The following TOX2 variants were observed in gnomAD, a reference collection of about 807,000 sequenced individuals.
The protein encoded by TOX2 is granulosa cell HMG box 1.
In TOX2, 15 loss-of-function variants were observed where a neutral mutation model predicts 47.4. The observed-to-expected ratio is 0.32, with a 90% CI of 0.21 to 0.49. The LOEUF (loss-of-function observed/expected upper bound fraction) is 0.49. Among genes scored for constraint, TOX2 ranks in the 20% least tolerant of loss-of-function variants. The pLI is 0.99. For missense variants in TOX2, 622 were observed against 673.1 expected, an observed-to-expected ratio of 0.92 and a Z score of 0.84; for synonymous variants, 290 against 296.6, an observed-to-expected ratio of 0.98 and a Z score of 0.23.
chr20:44,010,302 C>A (rs1205336812), intron 3 of TOX2, among the ~76,000 whole-genome samples: 1 of 152,178 alleles, frequency 6.6e-6, no homozygotes, highest in Non-Finnish European at 1.5e-5. Flanking sequence ...TTTTGTTGGG[C>A]TCTGTCCAAA....
chr20:43,928,913 T>C lies in TOX2; in HGVS notation c.99+13923T>C, dbSNP rs567092013. ...ACTTTGGGAGGCAGAGGCGGGTGGA[T>C]CATTCGAGGTCAGGAGTTCAAGACC... On this transcript the variant is annotated intron_variant, in intron 1 of 8. Transcript: ENST00000341197. 1.6e-4 allele frequency among the ~76,000 whole-genome samples: 24 copies of C among 146,670 alleles called. No homozygotes were observed. In the East Asian group the frequency reaches 4.7e-3, roughly 29 times the overall value.
intron 1 of TOX2, among the ~76,000 whole-genome samples, chr20:43,957,323 C>G (rs942465463): frequency 6.6e-6 from 1 of 152,204 alleles, no homozygotes; most frequent in Non-Finnish European, 1.5e-5. Context: ...TATAATTAGC[C>G]CTTGTCTCTT....
At chr20:44,040,662 T>C (rs544935124) in intron 3 of TOX2, among the ~76,000 whole-genome samples, 1 of 152,318 alleles carries the variant, frequency 6.6e-6, no homozygotes, top group African/African-American at 2.4e-5. Context: ...CTGGCACATA[T>C]TAAGTGCTTA....
chr20:43,993,488 A>G (rs2070408170), intron 2 of TOX2, among the ~76,000 whole-genome samples: 1 of 151,972 alleles, frequency 6.6e-6, no homozygotes, highest in South Asian at 2.1e-4. Context: ...GGAATTGAAC[A>G]TCTCTCCCAG....
intron 1 of TOX2, among the ~76,000 whole-genome samples, chr20:43,925,262 A>G (rs79662630): frequency 0.12 from 18,796 of 151,972 alleles, 1,293 homozygotes; most frequent in East Asian, 0.27. Flanking sequence ...GGAGGGGGGC[A>G]TCTAGATCTG....
rs1232072153 is a variant in TOX2, at chr20:44,052,775, TG to T, written c.651+1236del. Among the ~76,000 whole-genome samples the T allele has an allele frequency of 2.6e-5, 4 of 152,160 alleles. 1 individual carries two copies. Among genetic ancestry groups the T allele is most frequent in the Admixed American group, 6.5e-5 (1 of 15,280 alleles). On this transcript the variant is annotated intron_variant, in intron 4 of 8. Transcript: ENST00000341197. ...TATCTGGTGTCACACAGCTAGTAAG[TG>T]GGGGGAACCAGGATTCAAACCCAGG...
At chr20:43,969,613 T>C (rs976071232) in intron 1 of TOX2, among the ~76,000 whole-genome samples, 1 of 152,218 alleles carries the variant, frequency 6.6e-6, no homozygotes, top group Admixed American at 6.5e-5. Flanking sequence ...AGGGCTCCGA[T>C]GTGGTGGAAC....
At chr20:44,000,368 C>T (rs887990310) in intron 2 of TOX2, among the ~76,000 whole-genome samples, 22 of 152,058 alleles carry the variant, frequency 1.4e-4, no homozygotes, top group African/African-American at 5.3e-4. Flanking sequence ...GGACACATTT[C>T]GTGTAGGATG....
intron 3 of TOX2, among the ~76,000 whole-genome samples, chr20:44,022,324 A>G (rs981001391): frequency 6.6e-6 from 1 of 152,142 alleles, no homozygotes; most frequent in African/African-American, 2.4e-5. Context: ...TTGTGTGTGT[A>G]AAATAGATGT....
intron 3 of TOX2, among the ~76,000 whole-genome samples, chr20:44,037,235 T>C (rs553027996): frequency 6.6e-6 from 1 of 152,364 alleles, no homozygotes; most frequent in East Asian, 1.9e-4. Flanking sequence ...ATTACAGGCA[T>C]GAGCCATGGC....
intron 3 of TOX2, among the ~76,000 whole-genome samples, chr20:44,008,076 G>A (rs1470131376): frequency 6.6e-6 from 1 of 152,158 alleles, no homozygotes; most frequent in Non-Finnish European, 1.5e-5. Flanking sequence ...CCAGGTTGGG[G>A]GAATATCAGG....
intron 5 of TOX2, among the ~76,000 whole-genome samples, chr20:44,063,735 C>CAT (rs1457952782): frequency 1.3e-5 from 2 of 151,496 alleles, no homozygotes; most frequent in Non-Finnish European, 2.9e-5. Flanking sequence ...AAATGTGCTA[C>CAT]ATATATATAC....
intron 1 of TOX2, among the ~76,000 whole-genome samples, chr20:43,941,897 T>A (rs2069408119): frequency 6.6e-6 from 1 of 152,142 alleles, no homozygotes; most frequent in African/African-American, 2.4e-5. Flanking sequence ...CCCCGTTTTG[T>A]GAATAAAGAC....
intron 2 of TOX2, among the ~76,000 whole-genome samples, chr20:43,976,297 A>G (rs1368415889): frequency 6.6e-6 from 1 of 152,222 alleles, no homozygotes; most frequent in Non-Finnish European, 1.5e-5. Context: ...ACATTGCCAG[A>G]TCAGCAGTGG....
At chr20:43,930,123 G>A (rs2069234164) in intron 1 of TOX2, among the ~76,000 whole-genome samples, 1 of 152,164 alleles carries the variant, frequency 6.6e-6, no homozygotes, top group Admixed American at 6.5e-5. Flanking sequence ...GTTTACCATT[G>A]CATCCCCATG....
intron 1 of TOX2, among the ~76,000 whole-genome samples, chr20:43,951,703 T>C (rs1165013050): frequency 7.9e-6 from 1 of 125,944 alleles, no homozygotes; most frequent in Admixed American, 8.8e-5. Flanking sequence ...ATTAAACTTA[T>C]TATGTTTTTT....
At chr20:44,023,457 A>C (rs1015686686) in intron 3 of TOX2, among the ~76,000 whole-genome samples, 34 of 139,240 alleles carry the variant, frequency 2.4e-4, no homozygotes, top group Admixed American at 1.9e-3. Context: ...AAAAGGAGGG[A>C]AAGAAGGACT....
chr20:44,054,387 A>G lies in TOX2; in HGVS notation c.740A>G (p.Gln247Arg). 1.2e-6 allele frequency: 2 copies of G among 1,612,228 alleles called. No homozygotes were observed. Residue 247 changes from glutamine (Q) to arginine (R), a missense_variant, in exon 5 of 9, where the codon CAG (glutamine) becomes CGG (arginine). Physicochemically the swap from Gln to Arg is conservative, Grantham distance 43. Coordinates refer to ENST00000341197, the MANE Select transcript of TOX2 (RefSeq NM_001098797.2). ...AAAAAGAAGGACCCCAATGAGCCGC[A>G]GAAGCCTGTGTCGGCCTACGCACTC... ...KKKKKDPNEP[Q>R]KPVSAYALFF...
intron 1 of TOX2, among the ~76,000 whole-genome samples, chr20:43,950,349 C>T (rs974909261): frequency 1.3e-5 from 2 of 152,208 alleles, no homozygotes; most frequent in Non-Finnish European, 2.9e-5. Flanking sequence ...TCTCGCCTGC[C>T]CTCGCTGGCT....
Sources: allele counts gnomAD v4.1 joint callset (sites outside exome capture counted in the v4.1 genomes callset), GRCh38; gene constraint gnomAD v4.1.1; transcripts MANE v1.5; gene names NCBI Gene and HGNC (gene_info 2026-07-23, HGNC 2026-07-21).